The following AP1G1 variants were observed in gnomAD, a reference collection of about 807,000 sequenced individuals.
AP1G1 encodes adaptor related protein complex 1 subunit gamma 1.
A neutral mutation model predicts 108.3 loss-of-function variants in AP1G1; 7 were observed. That is an observed-to-expected ratio of 0.06 (90% CI 0.04 to 0.12). The LOEUF (loss-of-function observed/expected upper bound fraction) is 0.12. Among genes scored for constraint, AP1G1 ranks in the 10% least tolerant of loss-of-function variants. AP1G1 has a pLI of 1.00. For missense variants in AP1G1, 756 were observed against 1,010.7 expected (o/e 0.75, Z 3.42); for synonymous variants, 379 against 353.5 (o/e 1.07, Z -0.81).
intron 13 of AP1G1, among the ~76,000 whole-genome samples, chr16:71,752,301 AC>A (rs1180675781): frequency 2.6e-5 from 4 of 152,174 alleles, no homozygotes; most frequent in Non-Finnish European, 4.4e-5. Flanking sequence ...TATGTTAATT[AC>A]ATTTTGTTAG....
intron 2 of AP1G1, among the ~76,000 whole-genome samples, chr16:71,780,474 G>C (rs981230552): frequency 7.2e-6 from 1 of 139,602 alleles, no homozygotes; most frequent in Non-Finnish European, 1.5e-5. Flanking sequence ...CTGAGTGACA[G>C]AGTAAGATCC....
At chr16:71,746,256 C>T (rs917756997) in intron 17 of AP1G1, among the ~76,000 whole-genome samples, 4 of 152,118 alleles carry the variant, frequency 2.6e-5, no homozygotes, top group Admixed American at 6.6e-5. Flanking sequence ...GTGATCTGCC[C>T]GCCTCGGCCT....
intron 2 of AP1G1, among the ~76,000 whole-genome samples, chr16:71,776,843 C>A (rs1212857777): frequency 6.6e-6 from 1 of 151,986 alleles, no homozygotes; most frequent in Non-Finnish European, 1.5e-5. Flanking sequence ...GGAGCAGTGG[C>A]TCATGCCTGT....
At chr16:71,742,959 C>T (rs1348439620) in intron 19 of AP1G1, 1 of 149,504 alleles carries the variant, frequency 6.7e-6, no homozygotes, top group Non-Finnish European at 1.5e-5. Flanking sequence ...GGCAACAAAG[C>T]AAGATTCCGT....
At chr16:71,803,927 A>G (rs1469603913) in intron 1 of AP1G1, among the ~76,000 whole-genome samples, 1 of 151,406 alleles carries the variant, frequency 6.6e-6, no homozygotes, top group Non-Finnish European at 1.5e-5. Context: ...CCGTCTCAAA[A>G]AAAAAAAAAA....
At chr16:71,775,305 T>G (rs1297375206) in intron 2 of AP1G1, among the ~76,000 whole-genome samples, 2 of 152,044 alleles carry the variant, frequency 1.3e-5, no homozygotes, top group Non-Finnish European at 2.9e-5. Context: ...GTGCTGGTAT[T>G]ACAGGCCTGA....
intron 1 of AP1G1, among the ~76,000 whole-genome samples, chr16:71,793,558 G>A (rs2032478447): frequency 6.6e-6 from 1 of 152,174 alleles, no homozygotes; most frequent in African/African-American, 2.4e-5. Context: ...CCTATATACA[G>A]CAGAAACAAG....
At chr16:71,750,591 T>C in intron 13 of AP1G1, 1 of 339,766 alleles carries the variant, frequency 2.9e-6, no homozygotes. Context: ...ATTTTTTCTA[T>C]TTTTAGTAGA....
At chr16:71,801,694 G>T (rs757056809) in intron 1 of AP1G1, among the ~76,000 whole-genome samples, 1 of 152,104 alleles carries the variant, frequency 6.6e-6, no homozygotes, top group Admixed American at 6.6e-5. Flanking sequence ...AGGCTGAGGC[G>T]GGCAGATCAC....
intron 2 of AP1G1, chr16:71,777,882 C>A (rs1218888655): frequency 1.0e-5 from 3 of 287,086 alleles, no homozygotes; most frequent in Admixed American, 4.3e-5. Flanking sequence ...AGGGCCAAGA[C>A]AGAGGGGCCC....
At chr16:71,765,420 G>A in intron 7 of AP1G1, 69 bp downstream of exon 7, 1 of 1,122,160 alleles carries the variant, frequency 8.9e-7, no homozygotes, top group East Asian at 2.5e-5. Flanking sequence ...AACTTAAGAG[G>A]AAGGAAATTG....
chr16:71,794,837 T>C (rs1039745421), intron 1 of AP1G1, among the ~76,000 whole-genome samples: 2 of 66,210 alleles, frequency 3.0e-5, no homozygotes, highest in African/African-American at 9.2e-5. Context: ...GAGAAGTGCT[T>C]TTTTTTTTTT....
chr16:71,764,766 T>A, intron 7 of AP1G1, 40 bp from the exon 8 acceptor site: 1 of 1,295,282 alleles, frequency 7.7e-7, no homozygotes, highest in Non-Finnish European at 1.1e-6. Context: ...AAATTATGTC[T>A]CACACAAAGA....
At chr16:71,762,030 T>C (rs1437121051) in intron 9 of AP1G1, among the ~76,000 whole-genome samples, 1 of 151,982 alleles carries the variant, frequency 6.6e-6, no homozygotes, top group Admixed American at 6.6e-5. Flanking sequence ...CTTTTAGGAA[T>C]TGATCTGACA....
chr16:71,756,609 A>G (rs2030798666), intron 11 of AP1G1, among the ~76,000 whole-genome samples: 1 of 152,222 alleles, frequency 6.6e-6, no homozygotes, highest in African/African-American at 2.4e-5. Flanking sequence ...ATGATGTAAT[A>G]TAGTTTATGT....
chr16:71,773,129 T>C (rs2031641113), intron 4 of AP1G1, 92 bp downstream of exon 4: 12 of 1,400,968 alleles, frequency 8.6e-6, no homozygotes, highest in South Asian at 8.4e-5. Context: ...TGACTTTACA[T>C]TATCATCAGA....
At chr16:71,799,647 TC>T (rs1334529782) in intron 1 of AP1G1, among the ~76,000 whole-genome samples, 3 of 151,382 alleles carry the variant, frequency 2.0e-5, no homozygotes, top group African/African-American at 7.3e-5. Flanking sequence ...ACACCTGTAA[TC>T]CCAGCACTTT....
chr16:71,743,598 G>A (rs1331579802), intron 19 of AP1G1: 2 of 116,710 alleles, frequency 1.7e-5, no homozygotes, highest in Non-Finnish European at 3.4e-5. Context: ...GTGAGACTCT[G>A]TCTCAAAAAA....
Position 71,741,114 on chromosome 16 carries a change from T to A in AP1G1, c.2000-1773A>T, listed in dbSNP as rs552565414. Among the ~76,000 whole-genome samples the A allele has an allele frequency of 3.9e-5, 6 of 152,272 alleles. No homozygotes were observed. The South Asian group carries it at 1.0e-3, about 26-fold the overall frequency. ...GAAGCATAAGGAAATTCAGTAAAAT[T>A]AAGAGAATGTATTTAATATTTAAAT... On this transcript the variant is annotated intron_variant, in intron 19 of 22. Transcript: ENST00000299980.
Sources: allele counts gnomAD v4.1 joint callset (sites outside exome capture counted in the v4.1 genomes callset), GRCh38; gene constraint gnomAD v4.1.1; transcripts MANE v1.5; gene names NCBI Gene and HGNC (gene_info 2026-07-23, HGNC 2026-07-21).